GPHN: variants seen among roughly 807,000 people sequenced by gnomAD.
The protein encoded by GPHN is gephyrin.
GPHN carries 17 observed loss-of-function variants against 95.5 expected under a neutral mutation model. The observed-to-expected ratio is 0.18, with a 90% confidence interval of 0.12 to 0.27. GPHN has a LOEUF of 0.27. GPHN is among the 10% of genes least tolerant of loss of function. The probability of loss-of-function intolerance (pLI) is 1.00; values close to 1 mark genes in which losing one functional copy is unlikely to be tolerated. For synonymous variants in GPHN, 320 were observed against 322.5 expected, an observed-to-expected ratio of 0.99 and a Z score of 0.08; for missense variants, 660 against 978.1, an observed-to-expected ratio of 0.67 and a Z score of 4.34.
intron 1 of GPHN, among the ~76,000 whole-genome samples, chr14:66,545,073 C>A (rs184699878): frequency 1.3e-5 from 2 of 152,200 alleles, no homozygotes; most frequent in African/African-American, 2.4e-5. Context: ...CATCATGGCC[C>A]GTTCTCAATG....
At chr14:66,856,621 A>G (rs988229699) in intron 4 of GPHN, among the ~76,000 whole-genome samples, 3 of 152,120 alleles carry the variant, frequency 2.0e-5, no homozygotes, top group African/African-American at 7.2e-5. Flanking sequence ...CTCAATCTAT[A>G]AAGATAACAA....
chr14:67,070,840 T>C (rs2076273498), intron 11 of GPHN, among the ~76,000 whole-genome samples: 1 of 151,652 alleles, frequency 6.6e-6, no homozygotes, highest in Non-Finnish European at 1.5e-5. Context: ...TTAGGGGGGT[T>C]ATTTTTATAG....
intron 4 of GPHN, among the ~76,000 whole-genome samples, chr14:66,836,678 T>G (rs1202258062): frequency 6.9e-6 from 1 of 144,884 alleles, no homozygotes; most frequent in Non-Finnish European, 1.5e-5. Flanking sequence ...GGGAGAAAAT[T>G]TTCGCAACCT....
At chr14:67,626,258 G>GAA in the GPHN span, among the ~76,000 whole-genome samples, 1 of 146,794 alleles carries the variant, frequency 6.8e-6, no homozygotes, top group African/African-American at 2.5e-5. Flanking sequence ...TGTCTCAGGG[G>GAA]AAAAAAAAAA....
intron 5 of GPHN, among the ~76,000 whole-genome samples, chr14:66,897,226 A>G (rs2064899890): frequency 6.6e-6 from 1 of 152,090 alleles, no homozygotes; most frequent in African/African-American, 2.4e-5. Context: ...CAATTTGTTC[A>G]TTCTTTCATT....
chr14:67,262,099 T>C, the GPHN span, among the ~76,000 whole-genome samples: 1 of 152,146 alleles, frequency 6.6e-6, no homozygotes, highest in South Asian at 2.1e-4. Context: ...TTTCAGTGCC[T>C]ACATATGTGG....
chr14:67,660,711 T>C, the GPHN span, among the ~76,000 whole-genome samples: 1 of 152,210 alleles, frequency 6.6e-6, no homozygotes. Context: ...ATGTAACACC[T>C]GGACACATCC....
chr14:67,305,642 GA>G, the GPHN span, among the ~76,000 whole-genome samples: 1 of 152,186 alleles, frequency 6.6e-6, no homozygotes, highest in East Asian at 1.9e-4. Context: ...TTCTGTAAAA[GA>G]AAAGCCATTT....
At chr14:66,720,383 G>A (rs779729217) in intron 2 of GPHN, among the ~76,000 whole-genome samples, 5 of 152,072 alleles carry the variant, frequency 3.3e-5, no homozygotes, top group African/African-American at 9.7e-5. Context: ...GCGAAACCCC[G>A]TCTCTACTGA....
At chr14:67,456,605 A>G in the GPHN span, among the ~76,000 whole-genome samples, 1 of 151,252 alleles carries the variant, frequency 6.6e-6, no homozygotes, top group Non-Finnish European at 1.5e-5. Context: ...TCCATCTCAA[A>G]AAAAAAAAAA....
chr14:66,680,583 A>G (rs945300337), intron 1 of GPHN, among the ~76,000 whole-genome samples: 6 of 152,148 alleles, frequency 3.9e-5, no homozygotes, highest in African/African-American at 1.4e-4. Context: ...TCTTTTCCTT[A>G]GTAGTGTCCT....
chr14:66,793,172 T>G (rs1451460710), intron 3 of GPHN, among the ~76,000 whole-genome samples: 1 of 152,258 alleles, frequency 6.6e-6, no homozygotes, highest in Non-Finnish European at 1.5e-5. Context: ...TATGGCCAGA[T>G]TTTGGGGGGC....
At chr14:66,802,349 C>T (rs2060386803) in intron 3 of GPHN, among the ~76,000 whole-genome samples, 1 of 152,134 alleles carries the variant, frequency 6.6e-6, no homozygotes. Flanking sequence ...GTCTTGAACT[C>T]ACCCTTCAGG....
intron 17 of GPHN, among the ~76,000 whole-genome samples, chr14:67,125,838 G>A (rs548688005): frequency 3.0e-4 from 45 of 151,782 alleles, no homozygotes; most frequent in African/African-American, 9.7e-4. Context: ...TAAGGGTAGA[G>A]AGTGACAGCT....
At chr14:67,367,478 C>T in the GPHN span, among the ~76,000 whole-genome samples, 2 of 152,362 alleles carry the variant, frequency 1.3e-5, no homozygotes, top group Non-Finnish European at 2.9e-5. Flanking sequence ...ATCCACCCGC[C>T]TTGGCCTCCC....
At chr14:67,589,803 T>C in the GPHN span, 3 of 1,132,158 alleles carry the variant, frequency 2.6e-6, no homozygotes, top group African/African-American at 4.8e-5. Flanking sequence ...CCGAAAGTGT[T>C]CTTTGCTGAC....
chr14:66,586,566 C>G (rs1332219950), intron 1 of GPHN, among the ~76,000 whole-genome samples: 6 of 152,042 alleles, frequency 3.9e-5, no homozygotes, highest in Non-Finnish European at 8.8e-5. Context: ...TTCAGGAGCT[C>G]TTGTAGGGCA....
chr14:67,141,193 C>T (rs2080435457), intron 17 of GPHN, among the ~76,000 whole-genome samples: 1 of 152,108 alleles, frequency 6.6e-6, no homozygotes, highest in South Asian at 2.1e-4. Context: ...TGTGGACAGG[C>T]CAGTGCTAGA....
At chr14:67,258,672 T>G in the GPHN span, among the ~76,000 whole-genome samples, 1 of 152,202 alleles carries the variant, frequency 6.6e-6, no homozygotes, top group South Asian at 2.1e-4. Context: ...TCCACCTGCC[T>G]CGGCCTCCCA....
Sources: allele counts gnomAD v4.1 joint callset (sites outside exome capture counted in the v4.1 genomes callset), GRCh38; gene constraint gnomAD v4.1.1; transcripts MANE v1.5; gene names NCBI Gene and HGNC (gene_info 2026-07-23, HGNC 2026-07-21).